The following PDPN variants were observed in gnomAD, a reference collection of about 807,000 sequenced individuals.
The protein encoded by PDPN is PA2.26 antigen.
PDPN carries 12 observed loss-of-function variants against 23.2 expected under a neutral mutation model. That is an observed-to-expected ratio of 0.52 (90% CI 0.33 to 0.84). The LOEUF (loss-of-function observed/expected upper bound fraction) is 0.84. Ranked by LOEUF, PDPN falls within the 40% of genes least tolerant of loss-of-function variation. The pLI, the probability that PDPN is intolerant of heterozygous loss-of-function variation, is 0.02. For missense variants in PDPN, 199 were observed against 212.2 expected, an observed-to-expected ratio of 0.94 and a Z score of 0.39; for synonymous variants, 77 against 76.7, an observed-to-expected ratio of 1.00 and a Z score of -0.02.
rs935904591 is a variant in PDPN, at chr1:13,617,587, G to T, written c.*1676G>T. On this transcript the variant is annotated 3_prime_UTR_variant, in exon 6 of 6. Coordinates refer to ENST00000621990, the MANE Select transcript of PDPN (RefSeq NM_006474.5). ...GGGGTTTCACCGTATCGGCGAGGAT[G>T]ATCTCTATCTCTTGACCTCGTGATC... is the stretch of plus-strand genomic sequence containing the variant. 1 of 152,232 alleles carries T rather than the reference G, an allele frequency of 6.6e-6. No individual in the cohort carries two copies. The highest frequency in any genetic ancestry group is 1.5e-5 in the Non-Finnish European group (1 of 68,074). 9.4% of individuals were successfully genotyped at this position (152,232 alleles called of 1,614,324 possible).
intron 1 of PDPN, among the ~76,000 whole-genome samples, chr1:13,606,082 T>G (rs552918439): frequency 6.6e-5 from 10 of 152,070 alleles, no homozygotes; most frequent in African/African-American, 2.4e-4. Context: ...CCCTGCTTCC[T>G]GGATTCAAGC....
At chr1:13,584,463 G>A in intron 1 of PDPN, 2 of 657,700 alleles carry the variant, frequency 3.0e-6, no homozygotes, top group Non-Finnish European at 5.0e-6. Context: ...ATAGAGCGGT[G>A]TGTTGGAGGA....
rs777864670 is a variant in PDPN at position 13,584,060 on chromosome 1, C to G, written c.27C>G (p.Phe9Leu). The change falls in exon 1 of 6, where the codon TTC (phenylalanine) becomes TTG (leucine). Residue 9 changes from phenylalanine to leucine, a missense_variant. Transcript: ENST00000621990. ...TGTGGAAGGTGTCAGCTCTGCTCTTCGTTTTGGGAAGCGCGTCGCTCTGGG... is the reference window on the plus strand; with the variant it reads ...TGTGGAAGGTGTCAGCTCTGCTCTTGGTTTTGGGAAGCGCGTCGCTCTGGG... MWKVSALL[F>L]VLGSASLWVL... The G allele has an allele frequency of 1.2e-6, 2 of 1,613,078 alleles. No homozygotes were observed. The highest frequency in any genetic ancestry group is 1.7e-6 in the Non-Finnish European group (2 of 1,179,988).
intron 1 of PDPN, among the ~76,000 whole-genome samples, chr1:13,605,530 A>G (rs12164609): frequency 0.018 from 2,783 of 152,316 alleles, 69 homozygotes; most frequent in African/African-American, 0.055. Flanking sequence ...GGTCACTGCA[A>G]CAGAAGTTGA....
chr1:13,613,231 A>G (rs1348681115), intron 3 of PDPN, among the ~76,000 whole-genome samples: 3 of 152,166 alleles, frequency 2.0e-5, no homozygotes, highest in Non-Finnish European at 4.4e-5. Flanking sequence ...ACTAACCACA[A>G]TCTTGGTCAC....
intron 1 of PDPN, among the ~76,000 whole-genome samples, chr1:13,599,829 A>G (rs1319700383): frequency 1.3e-5 from 2 of 152,144 alleles, no homozygotes; most frequent in African/African-American, 4.8e-5. Context: ...TGGAAGGAAT[A>G]TAAATGCTGG....
At chr1:13,606,911 C>T (rs1013014205) in intron 1 of PDPN, among the ~76,000 whole-genome samples, 2 of 152,122 alleles carry the variant, frequency 1.3e-5, no homozygotes, top group African/African-American at 4.8e-5. Flanking sequence ...GATGGGGCCC[C>T]AGGGAGGGGC....
intron 3 of PDPN, among the ~76,000 whole-genome samples, chr1:13,613,227 C>T (rs886934742): frequency 6.6e-6 from 1 of 152,096 alleles, no homozygotes; most frequent in Non-Finnish European, 1.5e-5. Flanking sequence ...TGAGACTAAC[C>T]ACAATCTTGG....
rs750036508 is a variant in PDPN, at chr1:13,583,839, A to G, written c.-195A>G. 3 of 1,573,796 alleles carry G rather than the reference A, an allele frequency of 1.9e-6. No individual in the cohort carries two copies. In the South Asian group the frequency reaches 3.5e-5, roughly 18 times the overall value. On this transcript the variant is annotated 5_prime_UTR_variant, in exon 1 of 6. Transcript: ENST00000621990. ...TCCGCTCGGAAAGTTCTCAACTGCA[A>G]AGTTTGCTGTCCGGCTGCCTAGGGT... is the stretch of plus-strand genomic sequence containing the variant.
chr1:13,590,663 G>A (rs952016166), intron 1 of PDPN, among the ~76,000 whole-genome samples: 1 of 152,148 alleles, frequency 6.6e-6, no homozygotes, highest in Non-Finnish European at 1.5e-5. Flanking sequence ...GTGGAGGCTG[G>A]GGGTTAGAAG....
At chr1:13,592,792 C>G (rs549965397) in intron 1 of PDPN, among the ~76,000 whole-genome samples, 2 of 152,098 alleles carry the variant, frequency 1.3e-5, no homozygotes, top group South Asian at 4.2e-4. Context: ...TCAGGTGATT[C>G]GTCCGCCTCT....
intron 1 of PDPN, among the ~76,000 whole-genome samples, chr1:13,602,043 AT>A (rs1264144024): frequency 0.021 from 1,822 of 88,814 alleles, 3 homozygotes; most frequent in Non-Finnish European, 0.022. Context: ...TGGGTGGCTC[AT>A]GCCTTTGGGT....
chr1:13,584,289 G>T, intron 1 of PDPN, 189 bp downstream of exon 1: 1 of 1,524,760 alleles, frequency 6.6e-7, no homozygotes, highest in South Asian at 1.2e-5. Flanking sequence ...AGGTCCCAAA[G>T]ACGCAGCTGC....
chr1:13,585,581 G>A (rs1433443347), intron 1 of PDPN: 1 of 1,352,068 alleles, frequency 7.4e-7, no homozygotes, highest in East Asian at 4.5e-5. Context: ...AACATCCTTT[G>A]TTTTTGCCCA....
At chr1:13,593,367 A>G (rs548578394) in intron 1 of PDPN, among the ~76,000 whole-genome samples, 1 of 152,310 alleles carries the variant, frequency 6.6e-6, no homozygotes, top group South Asian at 2.1e-4. Context: ...ACAGTCATCT[A>G]AAAGAGTGCC....
chr1:13,600,326 C>T (rs1640610736), intron 1 of PDPN, among the ~76,000 whole-genome samples: 1 of 151,738 alleles, frequency 6.6e-6, no homozygotes, highest in African/African-American at 2.4e-5. Context: ...GAATATTTGG[C>T]TTTGTGTCCG....
chr1:13,610,605 AG>A, intron 3 of PDPN, 89 bp downstream of exon 3: 2 of 1,314,656 alleles, frequency 1.5e-6, no homozygotes, highest in Non-Finnish European at 1.1e-6. Flanking sequence ...AATAATCAAT[AG>A]GGGGCATATT....
At chr1:13,610,550 C>G in intron 3 of PDPN, 34 bp downstream of exon 3, 1 of 1,601,638 alleles carries the variant, frequency 6.2e-7, no homozygotes, top group Non-Finnish European at 8.5e-7. Context: ...GGGGGCTGAT[C>G]TACTTTTGCA....
rs191093042 is a variant in PDPN at position 13,592,310 on chromosome 1, A to C, written c.67+8210A>C. 5.3e-5 allele frequency among the ~76,000 whole-genome samples: 8 copies of C among 152,264 alleles called. No homozygotes were observed. In the East Asian group the frequency reaches 1.5e-3, roughly 29 times the overall value. On this transcript the variant is annotated intron_variant, in intron 1 of 5. Transcript: ENST00000621990. Reference sequence around the variant, plus strand: ...ATAGCAACCATTGAATAGCGTTTAAAATTTTGGTAAAGTTAAATGTATCTG... The same window carrying C: ...ATAGCAACCATTGAATAGCGTTTAACATTTTGGTAAAGTTAAATGTATCTG...
Sources: allele counts gnomAD v4.1 joint callset (sites outside exome capture counted in the v4.1 genomes callset), GRCh38; gene constraint gnomAD v4.1.1; transcripts MANE v1.5; gene names NCBI Gene and HGNC (gene_info 2026-07-23, HGNC 2026-07-21).